Variants in SOX5 observed in about 807,000 individuals in gnomAD.
SOX5 encodes the protein SRY-box transcription factor 5.
In SOX5, 9 loss-of-function variants were observed where a neutral mutation model predicts 92.0. The observed-to-expected ratio is 0.10, with a 90% CI of 0.06 to 0.17. SOX5 has a LOEUF of 0.17. Among genes scored for constraint, SOX5 ranks in the 10% least tolerant of loss-of-function variants. SOX5 has a pLI of 1.00. For synonymous variants in SOX5, 344 were observed against 336.3 expected (o/e 1.02, Z -0.25); for missense variants, 642 against 944.5 (o/e 0.68, Z 4.20).
chr12:23,916,673 C>T (rs2097420752), intron 1 of SOX5, among the ~76,000 whole-genome samples: 1 of 152,092 alleles, frequency 6.6e-6, no homozygotes. Flanking sequence ...TAATTGCAAA[C>T]ATTGGGTAAA....
chr12:23,779,955 C>CGTG (rs150089963), intron 3 of SOX5, among the ~76,000 whole-genome samples: 1 of 136,530 alleles, frequency 7.3e-6, no homozygotes, highest in Non-Finnish European at 1.6e-5. Flanking sequence ...CACAGCGAGA[C>CGTG]TGTGTGTGTG....
intron 3 of SOX5, among the ~76,000 whole-genome samples, chr12:24,224,046 C>G (rs542740028): frequency 1.6e-4 from 25 of 152,350 alleles, no homozygotes; most frequent in African/African-American, 6.0e-4. Flanking sequence ...CAGTGGTAGA[C>G]AGATGCCCCA....
intron 1 of SOX5, among the ~76,000 whole-genome samples, chr12:23,942,105 G>T (rs1184817810): frequency 1.3e-5 from 2 of 151,734 alleles, no homozygotes; most frequent in Non-Finnish European, 3.0e-5. Flanking sequence ...AAGTGTTTTA[G>T]AACTTTGTCA....
At chr12:23,613,745 C>G (rs1223101324) in intron 8 of SOX5, among the ~76,000 whole-genome samples, 1 of 152,122 alleles carries the variant, frequency 6.6e-6, no homozygotes, top group Non-Finnish European at 1.5e-5. Context: ...TTATGCTATG[C>G]TAAGCAAATA....
chr12:24,514,061 A>G (rs1949559500), intron 1 of SOX5, among the ~76,000 whole-genome samples: 1 of 152,226 alleles, frequency 6.6e-6, no homozygotes, highest in South Asian at 2.1e-4. Context: ...GTTGAAGAGA[A>G]TTATGGTGTC....
intron 2 of SOX5, among the ~76,000 whole-genome samples, chr12:23,851,852 C>T (rs964023656): frequency 3.3e-5 from 5 of 151,980 alleles, no homozygotes; most frequent in Non-Finnish European, 7.4e-5. Flanking sequence ...CTATAAGGTA[C>T]ACAACTTAAG....
rs148236458 is a variant in SOX5, at chr12:23,869,997, A to G, written c.271-23804T>C. On this transcript the variant is annotated intron_variant, in intron 2 of 14. Coordinates refer to ENST00000451604, the MANE Select transcript of SOX5 (RefSeq NM_006940.6). ...ATATTTTATACATAGCAGATATTAAATATTAGCTTAATTAAAATGAGTTCT... is the reference window on the plus strand; with the variant it reads ...ATATTTTATACATAGCAGATATTAAGTATTAGCTTAATTAAAATGAGTTCT... 9.3e-4 allele frequency among the ~76,000 whole-genome samples: 142 copies of G among 152,286 alleles called. No individual in the cohort carries two copies. In the East Asian group the frequency reaches 0.024, roughly 26 times the overall value.
intron 3 of SOX5, among the ~76,000 whole-genome samples, chr12:23,835,269 A>G (rs1433514931): frequency 6.6e-6 from 1 of 151,918 alleles, no homozygotes; most frequent in Non-Finnish European, 1.5e-5. Flanking sequence ...AAAGCGAGAA[A>G]AGAATATCTG....
chr12:24,092,735 C>T (rs1944807418), intron 4 of SOX5, among the ~76,000 whole-genome samples: 1 of 152,132 alleles, frequency 6.6e-6, no homozygotes, highest in Non-Finnish European at 1.5e-5. Context: ...CAAAAATGTC[C>T]ACAAATTCCT....
chr12:23,584,422 A>G (rs1205958025), intron 9 of SOX5: 1 of 778,132 alleles, frequency 1.3e-6, no homozygotes, highest in African/African-American at 1.7e-5. Context: ...TTATACGCAG[A>G]TAGGCCATCT....
intron 6 of SOX5, among the ~76,000 whole-genome samples, chr12:23,726,117 CCGAGAGAGAGAGAGAGAGAGAGAGAGAG>C (rs1328078353): frequency 2.9e-5 from 3 of 104,846 alleles, no homozygotes; most frequent in African/African-American, 1.0e-4. Flanking sequence ...ACATACATCC[CCGAGAGAGAGAGAGAGAGAGAGAGAGAG>C]AGAGAGAGAG....
intron 4 of SOX5, among the ~76,000 whole-genome samples, chr12:24,015,923 A>G (rs984630484): frequency 1.4e-4 from 4 of 28,250 alleles, no homozygotes; most frequent in Non-Finnish European, 2.6e-4. Flanking sequence ...ATGGGGGCAG[A>G]AAAAAAAAAA....
chr12:23,809,571 A>C (rs984759037), intron 3 of SOX5, among the ~76,000 whole-genome samples: 14 of 151,776 alleles, frequency 9.2e-5, no homozygotes, highest in Admixed American at 4.6e-4. Flanking sequence ...AATACCTTAA[A>C]ATCAATTTAA....
At chr12:24,248,569 G>T (rs1254081624) in intron 3 of SOX5, among the ~76,000 whole-genome samples, 1 of 152,152 alleles carries the variant, frequency 6.6e-6, no homozygotes, top group East Asian at 1.9e-4. Flanking sequence ...ATTTTTAGTA[G>T]AGACGGAGTT....
intron 2 of SOX5, among the ~76,000 whole-genome samples, chr12:23,867,415 T>C (rs988311351): frequency 6.6e-6 from 1 of 152,138 alleles, no homozygotes; most frequent in Non-Finnish European, 1.5e-5. Flanking sequence ...GGCAAGTCTC[T>C]TATCCTGTCT....
intron 1 of SOX5, among the ~76,000 whole-genome samples, chr12:24,506,812 C>T (rs1023231795): frequency 2.1e-3 from 109 of 51,420 alleles, no homozygotes; most frequent in Admixed American, 4.5e-3. Flanking sequence ...TTTTTGGAGA[C>T]GGGAGTCTCG....
chr12:23,907,337 T>TA (rs1245700403), intron 1 of SOX5, among the ~76,000 whole-genome samples: 2 of 152,168 alleles, frequency 1.3e-5, no homozygotes, highest in African/African-American at 4.8e-5. Context: ...TTCTTTTTTT[T>TA]ATGGAACCCG....
chr12:23,754,552 TA>T (rs1032901108), intron 4 of SOX5, among the ~76,000 whole-genome samples: 3 of 151,842 alleles, frequency 2.0e-5, no homozygotes, highest in African/African-American at 7.2e-5. Context: ...CTTTCACAAG[TA>T]ATCATAGCCT....
At chr12:23,941,143 T>C (rs1943557064) in intron 1 of SOX5, among the ~76,000 whole-genome samples, 1 of 151,576 alleles carries the variant, frequency 6.6e-6, no homozygotes, top group Non-Finnish European at 1.5e-5. Context: ...GCCCTATAAA[T>C]GAAAAAGTTT....
Sources: allele counts gnomAD v4.1 joint callset (sites outside exome capture counted in the v4.1 genomes callset), GRCh38; gene constraint gnomAD v4.1.1; transcripts MANE v1.5; gene names NCBI Gene and HGNC (gene_info 2026-07-23, HGNC 2026-07-21).